HIVEP3: variants seen among roughly 807,000 people sequenced by gnomAD.
HIVEP3 encodes the protein HIVEP zinc finger 3, also known as transcription factor HIVEP3.
In HIVEP3, 49 loss-of-function variants were observed where a neutral mutation model predicts 152.8. The observed-to-expected ratio is 0.32, with a 90% CI of 0.26 to 0.41. The LOEUF is 0.41. HIVEP3 is among the 10% of genes least tolerant of loss of function. The pLI is 1.00. For missense variants in HIVEP3, 2,790 were observed against 3,103.3 expected (o/e 0.90, Z 2.40); for synonymous variants, 1,269 against 1,289.0 (o/e 0.98, Z 0.33).
intron 3 of HIVEP3, among the ~76,000 whole-genome samples, chr1:41,592,581 C>T (rs947938490): frequency 3.9e-5 from 6 of 152,170 alleles, no homozygotes; most frequent in Non-Finnish European, 8.8e-5. Context: ...AGGCAACCCT[C>T]CCCGTGGGAC....
At chr1:41,632,111 T>C (rs552181182) in intron 2 of HIVEP3, among the ~76,000 whole-genome samples, 1 of 152,332 alleles carries the variant, frequency 6.6e-6, no homozygotes, top group East Asian at 1.9e-4. Context: ...GCATCCACTG[T>C]GCTCAGCCAC....
chr1:41,611,596 G>A (rs1405436889), intron 3 of HIVEP3, among the ~76,000 whole-genome samples: 4 of 152,222 alleles, frequency 2.6e-5, no homozygotes, highest in Non-Finnish European at 5.9e-5. Flanking sequence ...AGGCAGGCAG[G>A]GGGTCTGCAG....
chr1:41,849,166 G>A (rs563702604), intron 1 of HIVEP3: 24 of 152,286 alleles, frequency 1.6e-4, no homozygotes, highest in African/African-American at 4.6e-4. Flanking sequence ...TCTAGTTCAC[G>A]AGTGGACATT....
At chr1:41,933,194 G>C (rs1645003783) in intron 1 of HIVEP3, among the ~76,000 whole-genome samples, 1 of 151,982 alleles carries the variant, frequency 6.6e-6, no homozygotes, top group African/African-American at 2.4e-5. Context: ...TGATAATGTT[G>C]CTCCAGTCAT....
intron 2 of HIVEP3, among the ~76,000 whole-genome samples, chr1:41,692,485 GTATCT>G (rs1646212749): frequency 6.6e-6 from 1 of 152,124 alleles, no homozygotes; most frequent in African/African-American, 2.4e-5. Flanking sequence ...GTTAAATAAG[GTATCT>G]TAAAACAGAA....
chr1:41,544,500 G>A (rs1643612593), intron 5 of HIVEP3, among the ~76,000 whole-genome samples: 1 of 151,636 alleles, frequency 6.6e-6, no homozygotes, highest in Non-Finnish European at 1.5e-5. Context: ...TCTAGGGCAT[G>A]GAATAACTGG....
chr1:41,587,060 G>A (rs1258950174), intron 3 of HIVEP3, among the ~76,000 whole-genome samples: 1 of 152,014 alleles, frequency 6.6e-6, no homozygotes, highest in Non-Finnish European at 1.5e-5. Flanking sequence ...AGGAGAAAAG[G>A]GAGATTTGGT....
intron 1 of HIVEP3, among the ~76,000 whole-genome samples, chr1:42,028,967 A>C (rs1645597273): frequency 1.3e-5 from 2 of 152,246 alleles, no homozygotes; most frequent in African/African-American, 4.8e-5. Flanking sequence ...TGATGGTTCA[A>C]GAGAAGGCAG....
chr1:41,916,696 A>G (rs1644877245), intron 1 of HIVEP3, among the ~76,000 whole-genome samples: 1 of 152,214 alleles, frequency 6.6e-6, no homozygotes, highest in African/African-American at 2.4e-5. Context: ...TCTGAGGTCT[A>G]TTCTTCAGCC....
Position 41,583,768 on chromosome 1 carries a change from G to A in HIVEP3, c.1030C>T (p.Pro344Ser). 6.3e-7 allele frequency: 1 copy of A among 1,592,448 alleles called. No individual in the cohort carries two copies. Among genetic ancestry groups the A allele is most frequent in the Non-Finnish European group, 8.6e-7 (1 of 1,168,962 alleles). Residue 344 changes from proline to serine, a missense_variant, in exon 4 of 9, where the codon CCC (proline) becomes TCC (serine). By Grantham distance (74) the Pro-to-Ser change is moderately conservative. Coordinates refer to ENST00000372583, the MANE Select transcript of HIVEP3 (RefSeq NM_024503.5). The surrounding 1 kb of genome is among the most constrained non-coding windows in gnomAD (Gnocchi z 6.9). Reference sequence around the variant, plus strand: ...TGGCTCAGGGGGTGCTCAGATGAGGGTTCCACAAATGGAGGGGGGTCTTCG... The same window carrying A: ...TGGCTCAGGGGGTGCTCAGATGAGGATTCCACAAATGGAGGGGGGTCTTCG... ...SLEDPPPFVEPSSEHPLSHKP... is the reference protein window; with the variant it reads ...SLEDPPPFVESSSEHPLSHKP...
At chr1:42,008,639 T>A (rs895281155) in intron 1 of HIVEP3, among the ~76,000 whole-genome samples, 5 of 152,238 alleles carry the variant, frequency 3.3e-5, no homozygotes, top group Non-Finnish European at 5.9e-5. Flanking sequence ...TGTTCTTTTT[T>A]TGGAAAGGCT....
chr1:41,608,917 C>CAAAAAAAAAAAAAA, intron 3 of HIVEP3, among the ~76,000 whole-genome samples: 1 of 123,548 alleles, frequency 8.1e-6, no homozygotes, highest in African/African-American at 2.9e-5. Context: ...CTAAAAATAC[C>CAAAAAAAAAAAAAA]AAAAAAAAAA....
At chr1:41,827,548 G>C (rs1642839567) in intron 1 of HIVEP3, among the ~76,000 whole-genome samples, 1 of 152,140 alleles carries the variant, frequency 6.6e-6, no homozygotes, top group Admixed American at 6.5e-5. Context: ...GGAATGGGTT[G>C]AGTCAATCCC....
intron 1 of HIVEP3, among the ~76,000 whole-genome samples, chr1:41,896,894 C>A (rs1644537519): frequency 6.6e-6 from 1 of 152,126 alleles, no homozygotes; most frequent in Admixed American, 6.5e-5. Context: ...TTTTAATGAA[C>A]TCCAGTTCTC....
chr1:41,519,646 A>G (rs1191326412), intron 6 of HIVEP3, among the ~76,000 whole-genome samples: 1 of 152,232 alleles, frequency 6.6e-6, no homozygotes, highest in Non-Finnish European at 1.5e-5. Context: ...GAATGGATGG[A>G]TGGAGGAGAG....
upstream of HIVEP3, among the ~76,000 whole-genome samples, chr1:41,922,815 A>G (rs1349529597): frequency 6.6e-6 from 1 of 151,648 alleles, no homozygotes; most frequent in Non-Finnish European, 1.5e-5. Context: ...GAGGGAGGGA[A>G]GGAAGGAAGG....
chr1:41,904,761 G>C (rs190798885), intron 1 of HIVEP3, among the ~76,000 whole-genome samples: 2 of 152,300 alleles, frequency 1.3e-5, no homozygotes, highest in East Asian at 1.9e-4. Flanking sequence ...CTTCAAGAGA[G>C]AAAATGGCCA....
intron 1 of HIVEP3, among the ~76,000 whole-genome samples, chr1:41,863,869 G>A (rs72671265): frequency 6.6e-6 from 1 of 152,324 alleles, no homozygotes; most frequent in Non-Finnish European, 1.5e-5. Flanking sequence ...ATTTACGATT[G>A]TGAGAGCTGA....
At chr1:41,878,891 T>C (rs1322484998) in intron 1 of HIVEP3, among the ~76,000 whole-genome samples, 1 of 149,744 alleles carries the variant, frequency 6.7e-6, no homozygotes, top group Non-Finnish European at 1.5e-5. Flanking sequence ...CCTTCCTTTT[T>C]TTTCCTACCT....
Sources: gnomAD v4.1 joint callset for allele counts (sites outside exome capture counted in the v4.1 genomes callset) on GRCh38, gnomAD v4.1.1 for gene constraint, Gnocchi (gnomAD v3.1) non-coding constraint, MANE v1.5 for transcripts, NCBI Gene and HGNC (gene_info 2026-07-23, HGNC 2026-07-21) for gene names.